Variants in GNRHR observed in about 807,000 individuals in gnomAD.
The protein encoded by GNRHR is gonadotropin releasing hormone receptor.
GNRHR carries 14 observed loss-of-function variants against 28.1 expected under a neutral mutation model. That is an observed-to-expected ratio of 0.50 (90% confidence interval 0.33 to 0.78). The LOEUF (loss-of-function observed/expected upper bound fraction) is 0.78. Ranked by LOEUF, GNRHR falls within the 30% of genes least tolerant of loss-of-function variation. The pLI, the probability that GNRHR is intolerant of heterozygous loss-of-function variation, is 0.02. For synonymous variants in GNRHR, 141 were observed against 140.5 expected (o/e 1.00, Z -0.02); for missense variants, 366 against 382.1 (o/e 0.96, Z 0.35).
chr4:67,748,447 G>T (rs138489643), intron 1 of GNRHR, among the ~76,000 whole-genome samples: 3 of 151,912 alleles, frequency 2.0e-5, no homozygotes, highest in Non-Finnish European at 4.4e-5. Flanking sequence ...ATCCATATGC[G>T]TTTATATGTT....
chr4:67,748,931 A>T (rs997231708), intron 1 of GNRHR, among the ~76,000 whole-genome samples: 5 of 152,062 alleles, frequency 3.3e-5, no homozygotes, highest in African/African-American at 9.7e-5. Context: ...TGCATAATTT[A>T]TGTGATTGTT....
intron 2 of GNRHR, among the ~76,000 whole-genome samples, chr4:67,741,352 A>G (rs900991998): frequency 2.0e-5 from 3 of 152,164 alleles, no homozygotes; most frequent in African/African-American, 7.2e-5. Context: ...CTCCAATTCT[A>G]TCCAGGTTGC....
chr4:67,749,728 G>A (rs987811067), intron 1 of GNRHR, among the ~76,000 whole-genome samples: 6 of 134,302 alleles, frequency 4.5e-5, no homozygotes, highest in Non-Finnish European at 6.3e-5. Flanking sequence ...CCTTCCTTCC[G>A]TCTTTCCCCA....
At chr4:67,751,698 C>A (rs1378333904) in intron 1 of GNRHR, 7 of 152,156 alleles carry the variant, frequency 4.6e-5, no homozygotes, top group Non-Finnish European at 7.3e-5. Flanking sequence ...GAGACTTCTT[C>A]TAAGAAGAAT....
rs1731643343 is a variant in GNRHR at position 67,740,700 on chromosome 4, T to C, written c.767A>G (p.Asn256Ser). 2 of 1,608,494 alleles carry C rather than the reference T, an allele frequency of 1.2e-6. No homozygotes were observed. The highest frequency in any genetic ancestry group is 1.7e-6 in the Non-Finnish European group (2 of 1,174,892). Residue 256 changes from asparagine to serine, a missense_variant, in exon 3 of 3, where the codon AAC becomes AGC. By Grantham distance (46) the Asn-to-Ser change is conservative (BLOSUM62 1). Coordinates refer to ENST00000226413, the MANE Select transcript of GNRHR (RefSeq NM_000406.3). Reference protein sequence around the residue: ...PHELQLNQSKNNIPRARLKTL... With the variant: ...PHELQLNQSKSNIPRARLKTL... ...CTTCAGCCGTGCTCTTGGTATATTG[T>C]TCTTGGACTGATTCAGTTGTAGTTC... is the stretch of plus-strand genomic sequence containing the variant.
intron 1 of GNRHR, 74 bp downstream of exon 1, chr4:67,753,739 AT>A: frequency 8.0e-7 from 1 of 1,252,366 alleles, no homozygotes; most frequent in African/African-American, 1.5e-5. Flanking sequence ...ACTTCCTTTG[AT>A]AAGACCTTAT....
chr4:67,740,228 T>C lies in GNRHR; in HGVS notation c.*252A>G. 1 of 435,280 alleles carries C rather than the reference T, an allele frequency of 2.3e-6. No homozygotes were observed. Among genetic ancestry groups the C allele is most frequent in the Non-Finnish European group, 4.2e-6 (1 of 237,242 alleles). 27.0% of individuals were successfully genotyped at this position (435,280 alleles called of 1,614,324 possible). ...GTGATAAGAAACCTACATAATGTGT[T>C]ATATGAGGTCAGAAAAGGCAGAGAT... On this transcript the variant is annotated 3_prime_UTR_variant, in exon 3 of 3. Transcript: ENST00000226413.
chr4:67,742,670 G>T (rs1484182), intron 2 of GNRHR, among the ~76,000 whole-genome samples: 2 of 151,892 alleles, frequency 1.3e-5, no homozygotes, highest in South Asian at 4.2e-4. Flanking sequence ...TTTCATAATC[G>T]AGAACTTCTG....
chr4:67,747,549 AG>A (rs1367119798), intron 1 of GNRHR, among the ~76,000 whole-genome samples: 2 of 152,134 alleles, frequency 1.3e-5, no homozygotes, highest in Non-Finnish European at 2.9e-5. Context: ...GATTCTAAAA[AG>A]ATGGGTAGTG....
rs1731637368 is a variant in GNRHR at position 67,740,473 on chromosome 4, C to T, written c.*7G>A. The stretch of plus-strand genomic sequence containing the variant: ...TTCTTCATATGACTTCTTGTGTAGT[C>T]TATCAATCACAGAGAAAAATATCCA... On this transcript the variant is annotated 3_prime_UTR_variant, in exon 3 of 3. Coordinates refer to ENST00000226413, the MANE Select transcript of GNRHR (RefSeq NM_000406.3). 2 of 1,592,566 alleles carry T rather than the reference C, an allele frequency of 1.3e-6. No homozygotes were observed. The highest frequency in any genetic ancestry group is 1.7e-6 in the Non-Finnish European group (2 of 1,160,750).
At chr4:67,745,942 G>C (rs1731745738) in intron 1 of GNRHR, among the ~76,000 whole-genome samples, 3 of 152,082 alleles carry the variant, frequency 2.0e-5, no homozygotes, top group Admixed American at 2.0e-4. Context: ...GAAAGACTGA[G>C]AAATGGTTCC....
rs886059557 is a variant in GNRHR at position 67,738,496 on chromosome 4, A to G, written c.*1984T>C. Among the ~76,000 whole-genome samples, 2 of 151,932 alleles carry G rather than the reference A, an allele frequency of 1.3e-5. No individual in the cohort carries two copies. Among genetic ancestry groups the G allele is most frequent in the South Asian group, 4.1e-4 (2 of 4,832 alleles). On this transcript the variant is annotated 3_prime_UTR_variant, in exon 3 of 3. Coordinates refer to ENST00000226413, the MANE Select transcript of GNRHR (RefSeq NM_000406.3). ...AATTCCTAAGACAGAGAGATCCATA[A>G]TGAGCACACAAGAAGAACCAAGCTG...
At chr4:67,743,105 A>G (rs567826753) in intron 2 of GNRHR, among the ~76,000 whole-genome samples, 10 of 152,162 alleles carry the variant, frequency 6.6e-5, no homozygotes, top group Admixed American at 1.3e-4. Flanking sequence ...GGCATGTGCC[A>G]CCACACCCGG....
In GNRHR at chr4:67,738,067, T is replaced by A. The variant is rs995105578; in HGVS notation, c.*2413A>T. On this transcript the variant is annotated 3_prime_UTR_variant, in exon 3 of 3. Coordinates refer to ENST00000226413, the MANE Select transcript of GNRHR (RefSeq NM_000406.3). Reference sequence around the variant, plus strand: ...AACCATAATATTCATATAGAATAATTATTTGTGTTATGTTTTTTATTACAT... The same window carrying A: ...AACCATAATATTCATATAGAATAATAATTTGTGTTATGTTTTTTATTACAT... Among the ~76,000 whole-genome samples the A allele has an allele frequency of 7.2e-5, 11 of 151,796 alleles. No individual in the cohort carries two copies. Among genetic ancestry groups the A allele is most frequent in the African/African-American group, 2.7e-4 (11 of 41,506 alleles).
chr4:67,753,640 T>C, intron 1 of GNRHR, 174 bp downstream of exon 1: 1 of 625,632 alleles, frequency 1.6e-6, no homozygotes. Flanking sequence ...CCAGAGAGGT[T>C]AAGAAGTTTG....
At chr4:67,744,132 AAATGTGCATAGTTTATGTCG>A (rs1560517369) in intron 2 of GNRHR, among the ~76,000 whole-genome samples, 3 of 152,242 alleles carry the variant, frequency 2.0e-5, no homozygotes, top group Non-Finnish European at 4.4e-5. Context: ...ACATACACAC[AAATGTGCATAGTTTATGTCG>A]TGTAAATATA....
Position 67,740,431 on chromosome 4 carries a change from G to A in GNRHR, c.*49C>T. ...TGTGTTAATCATTCCCAGATGGAGA[G>A]ATTCATTACCTTACCCTTCTTCATA... On this transcript the variant is annotated 3_prime_UTR_variant, in exon 3 of 3. Coordinates refer to ENST00000226413, the MANE Select transcript of GNRHR (RefSeq NM_000406.3). 1.5e-6 allele frequency: 2 copies of A among 1,376,810 alleles called. No homozygotes were observed. Among genetic ancestry groups the A allele is most frequent in the Non-Finnish European group, 2.1e-6 (2 of 965,184 alleles). The allele number at this position is 1,376,810 out of a possible 1,614,324, so 85.3% of individuals were successfully genotyped here.
chr4:67,742,338 C>T (rs1238051998), intron 2 of GNRHR, among the ~76,000 whole-genome samples: 1 of 152,126 alleles, frequency 6.6e-6, no homozygotes, highest in African/African-American at 2.4e-5. Flanking sequence ...TTTTTGTTTG[C>T]TTTGTGAATT....
At chr4:67,750,555 G>A (rs1358750316) in intron 1 of GNRHR, among the ~76,000 whole-genome samples, 3 of 152,126 alleles carry the variant, frequency 2.0e-5, no homozygotes, top group East Asian at 1.9e-4. Flanking sequence ...ATGCACTGCC[G>A]AATTATCACA....
Sources: allele counts gnomAD v4.1 joint callset (sites outside exome capture counted in the v4.1 genomes callset), GRCh38; gene constraint gnomAD v4.1.1; transcripts MANE v1.5; gene names NCBI Gene and HGNC (gene_info 2026-07-23, HGNC 2026-07-21).